CTNNA2: variants seen among roughly 807,000 people sequenced by gnomAD.
The protein encoded by CTNNA2 is catenin alpha-2.
Under a neutral mutation model 101.0 loss-of-function variants are expected in CTNNA2, and 42 were observed. That is an observed-to-expected ratio of 0.42 (90% confidence interval 0.32 to 0.54). The LOEUF (loss-of-function observed/expected upper bound fraction) is 0.54, where lower values mean the gene tolerates loss of function less well. Among genes scored for constraint, CTNNA2 ranks in the 20% least tolerant of loss-of-function variants. The probability of loss-of-function intolerance (pLI) is 0.14; values close to 1 mark genes in which losing one functional copy is unlikely to be tolerated. For missense variants in CTNNA2, 871 were observed against 1,223.1 expected (o/e 0.71, Z 4.29); for synonymous variants, 450 against 456.4 (o/e 0.99, Z 0.18).
At chr2:79,972,895 T>C (rs1297347031) in intron 7 of CTNNA2, among the ~76,000 whole-genome samples, 1 of 152,186 alleles carries the variant, frequency 6.6e-6, no homozygotes, top group African/African-American at 2.4e-5. Context: ...GTAATTTTCA[T>C]ATCTTTGGAA....
intron 15 of CTNNA2, among the ~76,000 whole-genome samples, chr2:80,594,026 T>C (rs974039438): frequency 1.3e-5 from 2 of 152,162 alleles, no homozygotes; most frequent in Admixed American, 6.5e-5. Context: ...AGTAATTCTT[T>C]TAAATGTTTG....
chr2:79,491,958 C>G (rs961987508), intron 4 of CTNNA2, among the ~76,000 whole-genome samples: 1 of 152,132 alleles, frequency 6.6e-6, no homozygotes. Context: ...CCCTACAGTA[C>G]AGATGGATCA....
At chr2:79,774,361 A>G (rs1673809740) in intron 3 of CTNNA2, among the ~76,000 whole-genome samples, 1 of 152,202 alleles carries the variant, frequency 6.6e-6, no homozygotes, top group Non-Finnish European at 1.5e-5. Context: ...AAGCCTCTGT[A>G]TTAGAAAGTT....
chr2:79,709,838 G>A (rs1685630246), intron 2 of CTNNA2, among the ~76,000 whole-genome samples: 1 of 152,124 alleles, frequency 6.6e-6, no homozygotes, highest in African/African-American at 2.4e-5. Context: ...CAAAGGTATT[G>A]CAGCCCCTTT....
upstream of CTNNA2, among the ~76,000 whole-genome samples, chr2:79,511,426 C>A (rs972664386): frequency 6.6e-6 from 1 of 152,174 alleles, no homozygotes; most frequent in Non-Finnish European, 1.5e-5. Flanking sequence ...TGGCGCTCGG[C>A]ACTTCATGAA....
intron 2 of CTNNA2, among the ~76,000 whole-genome samples, chr2:79,729,031 A>G (rs1024274693): frequency 9.2e-5 from 14 of 152,272 alleles, no homozygotes; most frequent in African/African-American, 3.1e-4. Context: ...AAAACTTACC[A>G]TCATGAACCA....
intron 7 of CTNNA2, among the ~76,000 whole-genome samples, chr2:80,198,136 A>G (rs1460033275): frequency 6.6e-6 from 1 of 152,220 alleles, no homozygotes; most frequent in Admixed American, 6.5e-5. Flanking sequence ...GGTAAAAACA[A>G]TAAACTCCAA....
chr2:80,417,771 G>T (rs895405781), intron 8 of CTNNA2, among the ~76,000 whole-genome samples: 1 of 151,956 alleles, frequency 6.6e-6, no homozygotes, highest in Admixed American at 6.6e-5. Flanking sequence ...TGCTTTCAGT[G>T]TGCCTAGGGA....
chr2:79,769,249 A>T (rs1207950191), intron 3 of CTNNA2, among the ~76,000 whole-genome samples: 2 of 152,048 alleles, frequency 1.3e-5, no homozygotes, highest in Non-Finnish European at 2.9e-5. Context: ...TCTTGATTGG[A>T]CATTGTGGTC....
intron 7 of CTNNA2, among the ~76,000 whole-genome samples, chr2:80,223,694 C>T (rs1269559484): frequency 1.3e-5 from 2 of 152,138 alleles, no homozygotes; most frequent in Non-Finnish European, 2.9e-5. Context: ...GAAAGAGTGA[C>T]CACCACTTAG....
intron 3 of CTNNA2, among the ~76,000 whole-genome samples, chr2:79,755,920 T>C (rs779533843): frequency 5.3e-5 from 8 of 152,146 alleles, no homozygotes; most frequent in Non-Finnish European, 8.8e-5. Context: ...GAAAATATGA[T>C]GAAAAATGCA....
intron 7 of CTNNA2, among the ~76,000 whole-genome samples, chr2:80,380,019 C>G (rs539870473): frequency 2.1e-5 from 3 of 144,064 alleles, no homozygotes; most frequent in African/African-American, 2.6e-5. Context: ...TTGCACTGTT[C>G]GAGATGTACT....
At chr2:79,438,685 A>G (rs1678745743) in intron 4 of CTNNA2, among the ~76,000 whole-genome samples, 1 of 152,112 alleles carries the variant, frequency 6.6e-6, no homozygotes, top group Admixed American at 6.5e-5. Flanking sequence ...TCCTAGATAT[A>G]TGTGACTGTG....
chr2:80,330,204 GT>G (rs150285634), intron 7 of CTNNA2, among the ~76,000 whole-genome samples: 1,849 of 152,320 alleles, frequency 0.012, 21 homozygotes, highest in Middle Eastern at 0.034. Flanking sequence ...GCCAAGCAAG[GT>G]GCCAAAGGTT....
chr2:79,300,506 C>T (rs1485076506), intron 2 of CTNNA2, among the ~76,000 whole-genome samples: 1 of 152,148 alleles, frequency 6.6e-6, no homozygotes, highest in Admixed American at 6.5e-5. Flanking sequence ...AATTCATTTA[C>T]TGAGGGAAGA....
chr2:80,051,369 A>G (rs1397158726), intron 7 of CTNNA2, among the ~76,000 whole-genome samples: 2 of 152,334 alleles, frequency 1.3e-5, no homozygotes, highest in South Asian at 4.1e-4. Flanking sequence ...TGGTTGGAAC[A>G]TGTTTCCTAT....
intron 3 of CTNNA2, among the ~76,000 whole-genome samples, chr2:79,798,933 A>G (rs1012454143): frequency 6.6e-6 from 1 of 152,168 alleles, no homozygotes; most frequent in South Asian, 2.1e-4. Context: ...AAGGTGATGC[A>G]TGGAAAGTAC....
chr2:80,027,699 G>T (rs1365134418), intron 7 of CTNNA2, among the ~76,000 whole-genome samples: 2 of 152,126 alleles, frequency 1.3e-5, no homozygotes, highest in African/African-American at 2.4e-5. Context: ...TGGTGCCGTG[G>T]CTCGTGCCTG....
At chr2:79,621,398 G>T (rs968814197) in intron 1 of CTNNA2, among the ~76,000 whole-genome samples, 1 of 152,098 alleles carries the variant, frequency 6.6e-6, no homozygotes, top group Non-Finnish European at 1.5e-5. Flanking sequence ...AGAACATCTT[G>T]TACTGCCATA....
Sources: gnomAD v4.1 joint callset for allele counts (sites outside exome capture counted in the v4.1 genomes callset) on GRCh38, gnomAD v4.1.1 for gene constraint, MANE v1.5 for transcripts, NCBI Gene and HGNC (gene_info 2026-07-23, HGNC 2026-07-21) for gene names.